The following PSD3 variants were observed in gnomAD, a reference collection of about 807,000 sequenced individuals.
PSD3 encodes the protein PH and SEC7 domain-containing protein 3.
PSD3 carries 49 observed loss-of-function variants against 105.5 expected under a neutral mutation model. That is an observed-to-expected ratio of 0.46 (90% CI 0.37 to 0.59). PSD3 has a LOEUF of 0.59. Ranked by LOEUF, PSD3 falls within the 20% of genes least tolerant of loss-of-function variation. The pLI is 0.00. For synonymous variants in PSD3, 557 were observed against 457.8 expected (o/e 1.22, Z -2.77); for missense variants, 1,561 against 1,263.8 (o/e 1.24, Z -3.57).
chr8:18,658,569 C>A (rs1809072682), intron 9 of PSD3, among the ~76,000 whole-genome samples: 1 of 147,512 alleles, frequency 6.8e-6, no homozygotes, highest in African/African-American at 2.5e-5. Context: ...GTCACCCGGG[C>A]TGGAGTACAG....
At chr8:18,685,955 C>T (rs966735111) in intron 9 of PSD3, among the ~76,000 whole-genome samples, 2 of 152,128 alleles carry the variant, frequency 1.3e-5, no homozygotes, top group African/African-American at 4.8e-5. Flanking sequence ...ATTTGTCAGT[C>T]ATCATAATGA....
chr8:18,705,794 G>C (rs1430313012), intron 9 of PSD3, among the ~76,000 whole-genome samples: 1 of 152,060 alleles, frequency 6.6e-6, no homozygotes, highest in Non-Finnish European at 1.5e-5. Context: ...GCCTTTGGAG[G>C]GGAATGAGTA....
intron 9 of PSD3, among the ~76,000 whole-genome samples, chr8:18,707,383 T>A (rs915254001): frequency 3.3e-5 from 5 of 152,304 alleles, no homozygotes; most frequent in Admixed American, 6.5e-5. Flanking sequence ...CAAGAAGTGT[T>A]CATGAAATTG....
At chr8:18,869,474 A>G (rs923172677) in intron 3 of PSD3, among the ~76,000 whole-genome samples, 7 of 151,840 alleles carry the variant, frequency 4.6e-5, no homozygotes, top group Non-Finnish European at 1.0e-4. Context: ...CCACCATGCC[A>G]AGCCTCCCCT....
At chr8:18,805,618 A>G (rs963041648) in intron 4 of PSD3, among the ~76,000 whole-genome samples, 4 of 152,232 alleles carry the variant, frequency 2.6e-5, no homozygotes, top group African/African-American at 9.6e-5. Flanking sequence ...ATTAAAATCT[A>G]TCTTATACTT....
intron 2 of PSD3, among the ~76,000 whole-genome samples, chr8:18,876,080 CTTTTA>C (rs910292821): frequency 3.3e-5 from 5 of 152,016 alleles, no homozygotes; most frequent in Non-Finnish European, 7.4e-5. Context: ...AACTTCATTC[CTTTTA>C]TTTTATTATT....
At position 18,675,118 on chromosome 8, in the gene PSD3, T is replaced by G. The variant is rs1273191527; in HGVS notation, c.2173-19433A>C. On this transcript the variant is annotated intron_variant, in intron 9 of 15. Coordinates refer to ENST00000327040, the MANE Select transcript of PSD3 (RefSeq NM_015310.4). Reference sequence around the variant, plus strand: ...AGCTGCTTCTCTCAAAGTACTTTCTTGTATCTGTACGTCTAGTTAGGTAGG... The same window carrying G: ...AGCTGCTTCTCTCAAAGTACTTTCTGGTATCTGTACGTCTAGTTAGGTAGG... Among the ~76,000 whole-genome samples the G allele has an allele frequency of 2.6e-5, 4 of 152,210 alleles. 1 individual carries two copies. The highest frequency in any genetic ancestry group is 3.8e-4 in the East Asian group (2 of 5,198).
At chr8:18,972,224 T>G (rs1824693884) in intron 1 of PSD3, among the ~76,000 whole-genome samples, 1 of 152,196 alleles carries the variant, frequency 6.6e-6, no homozygotes, top group South Asian at 2.1e-4. Flanking sequence ...ACTTTATTTA[T>G]GTACTTCCAG....
At chr8:18,878,208 A>C (rs1415751469) in intron 2 of PSD3, among the ~76,000 whole-genome samples, 1 of 151,588 alleles carries the variant, frequency 6.6e-6, no homozygotes, top group African/African-American at 2.4e-5. Flanking sequence ...ATTTCTTTTG[A>C]TATTGCTTTT....
chr8:18,582,448 C>A (rs1402030753), intron 12 of PSD3, among the ~76,000 whole-genome samples: 1 of 152,138 alleles, frequency 6.6e-6, no homozygotes, highest in Non-Finnish European at 1.5e-5. Context: ...CAGGCTCCTC[C>A]TCCTTTCTCT....
chr8:18,668,384 T>C (rs1397863991), intron 9 of PSD3, among the ~76,000 whole-genome samples: 1 of 152,254 alleles, frequency 6.6e-6, no homozygotes, highest in Non-Finnish European at 1.5e-5. Context: ...GATGATGTTC[T>C]AGCCATTTCA....
At chr8:18,566,564 T>C (rs1398330425) in intron 14 of PSD3, among the ~76,000 whole-genome samples, 3 of 150,798 alleles carry the variant, frequency 2.0e-5, no homozygotes, top group African/African-American at 7.3e-5. Flanking sequence ...AAAAACATTC[T>C]AGAACCATCT....
intron 1 of PSD3, among the ~76,000 whole-genome samples, chr8:19,040,229 G>T (rs749799901): frequency 2.0e-5 from 3 of 152,128 alleles, no homozygotes; most frequent in Admixed American, 1.3e-4. Context: ...TTGAGACAGG[G>T]TCTCGTTTTG....
At chr8:19,004,781 T>G (rs368816033) in intron 1 of PSD3, among the ~76,000 whole-genome samples, 1 of 151,678 alleles carries the variant, frequency 6.6e-6, no homozygotes, top group Non-Finnish European at 1.5e-5. Context: ...CCGGGGTGAG[T>G]CTTTCCAATG....
intron 2 of PSD3, among the ~76,000 whole-genome samples, chr8:18,887,452 A>G (rs1818513977): frequency 6.6e-6 from 1 of 152,238 alleles, no homozygotes; most frequent in African/African-American, 2.4e-5. Context: ...ATAAACTTTT[A>G]TATCACTTAC....
upstream of PSD3, chr8:19,013,985 G>C (rs1326923380): frequency 6.6e-6 from 1 of 152,574 alleles, no homozygotes; most frequent in Non-Finnish European, 1.5e-5. Flanking sequence ...CAGCCCTCGA[G>C]CGGCCCGGAC....
At chr8:18,800,245 G>A (rs893543041) in intron 7 of PSD3, among the ~76,000 whole-genome samples, 4 of 152,078 alleles carry the variant, frequency 2.6e-5, no homozygotes, top group East Asian at 1.9e-4. Context: ...AATAAAAATG[G>A]CCCACTTTTA....
chr8:18,853,291 C>T (rs568894637), intron 4 of PSD3, among the ~76,000 whole-genome samples: 1 of 152,212 alleles, frequency 6.6e-6, no homozygotes, highest in South Asian at 2.1e-4. Flanking sequence ...CCAATGCATA[C>T]CCACAAATAC....
chr8:18,965,364 A>G (rs1824171919), intron 1 of PSD3, among the ~76,000 whole-genome samples: 1 of 152,174 alleles, frequency 6.6e-6, no homozygotes, highest in African/African-American at 2.4e-5. Flanking sequence ...AATCAAGGGA[A>G]TAGGTTGCGC....
Sources: allele counts gnomAD v4.1 joint callset (sites outside exome capture counted in the v4.1 genomes callset), GRCh38; gene constraint gnomAD v4.1.1; transcripts MANE v1.5; gene names NCBI Gene and HGNC (gene_info 2026-07-23, HGNC 2026-07-21).